The following ASCC3 variants were observed in gnomAD, a reference collection of about 807,000 sequenced individuals.
ASCC3 encodes the protein activating signal cointegrator 1 complex subunit 3.
Under a neutral mutation model 256.3 loss-of-function variants are expected in ASCC3, and 158 were observed. That is an observed-to-expected ratio of 0.62 (90% CI 0.54 to 0.70). The LOEUF (loss-of-function observed/expected upper bound fraction) is 0.70, where lower values mean the gene tolerates loss of function less well. Among genes scored for constraint, ASCC3 ranks in the 30% least tolerant of loss-of-function variants. ASCC3 has a pLI of 0.00. For missense variants in ASCC3, 2,259 were observed against 2,626.0 expected (o/e 0.86, Z 3.05); for synonymous variants, 948 against 883.4 (o/e 1.07, Z -1.30).
At chr6:100,765,991 T>G (rs906528399) in intron 10 of ASCC3, among the ~76,000 whole-genome samples, 2 of 152,240 alleles carry the variant, frequency 1.3e-5, no homozygotes, top group Non-Finnish European at 2.9e-5. Flanking sequence ...ATACTAATCA[T>G]CTAGTTGAAA....
chr6:100,729,229 A>G (rs1008330353), intron 10 of ASCC3, among the ~76,000 whole-genome samples: 1 of 152,104 alleles, frequency 6.6e-6, no homozygotes, highest in Non-Finnish European at 1.5e-5. Flanking sequence ...AGGACTAGAG[A>G]AATTAAGAGG....
At chr6:100,610,768 G>A (rs1416192337) in intron 30 of ASCC3, among the ~76,000 whole-genome samples, 1 of 152,070 alleles carries the variant, frequency 6.6e-6, no homozygotes, top group Non-Finnish European at 1.5e-5. Flanking sequence ...CATGTAAACT[G>A]ACTATAAATG....
intron 36 of ASCC3, among the ~76,000 whole-genome samples, chr6:100,573,105 A>T (rs1770680729): frequency 6.6e-6 from 1 of 152,092 alleles, no homozygotes; most frequent in Non-Finnish European, 1.5e-5. Context: ...GTTGGATTGA[A>T]TGTTGGCATG....
intron 25 of ASCC3, among the ~76,000 whole-genome samples, chr6:100,636,892 G>C (rs964007679): frequency 2.0e-5 from 3 of 152,166 alleles, no homozygotes; most frequent in Non-Finnish European, 4.4e-5. Flanking sequence ...CAGAAGAAAA[G>C]TTTGAAGCTT....
chr6:100,731,714 A>G (rs1479728871), intron 10 of ASCC3, among the ~76,000 whole-genome samples: 2 of 152,196 alleles, frequency 1.3e-5, no homozygotes, highest in South Asian at 2.1e-4. Flanking sequence ...GTGTTTTTCA[A>G]ATCGGACTGG....
chr6:100,647,326 A>T lies in ASCC3; in HGVS notation c.3378T>A (p.Pro1126=). Residue 1126 remains proline, a synonymous_variant, in exon 21 of 42, where the codon CCT becomes CCA. Transcript: ENST00000369162. ...IDKRLWGWAS[P]LRQFSILPPH... Reference sequence around the variant, plus strand: ...GTGGTAGGATTGAAAATTGTCTCAAAGGGCTAGCCCAACCCCAAAGCCTCT... The same window carrying T: ...GTGGTAGGATTGAAAATTGTCTCAATGGGCTAGCCCAACCCCAAAGCCTCT... 1 of 1,614,012 alleles carries T rather than the reference A, an allele frequency of 6.2e-7. No homozygotes were observed. Among genetic ancestry groups the T allele is most frequent in the Non-Finnish European group, 8.5e-7 (1 of 1,179,940 alleles).
chr6:100,713,632 C>T (rs1778957944), intron 13 of ASCC3, among the ~76,000 whole-genome samples: 1 of 152,162 alleles, frequency 6.6e-6, no homozygotes, highest in Non-Finnish European at 1.5e-5. Flanking sequence ...ACTGGGGACA[C>T]TGTGCTTGTG....
In ASCC3 at chr6:100,559,294, T is replaced by G. The variant is rs1022324389; in HGVS notation, c.5551-18907A>C. Among the ~76,000 whole-genome samples the G allele has an allele frequency of 2.6e-5, 4 of 152,182 alleles. No individual in the cohort carries two copies. In the South Asian group the frequency reaches 6.2e-4, roughly 24 times the overall value. The stretch of plus-strand genomic sequence containing the variant: ...CAACTCCAAATTACATTGCCTGACT[T>G]AACAAACTTACTCACTTGACTTGGC... On this transcript the variant is annotated intron_variant, in intron 36 of 41. Transcript: ENST00000369162.
intron 37 of ASCC3, among the ~76,000 whole-genome samples, chr6:100,522,653 C>A (rs1774368693): frequency 1.3e-5 from 2 of 152,016 alleles, no homozygotes; most frequent in South Asian, 4.2e-4. Context: ...AAGGGGAGGG[C>A]AGCTAAGGGA....
Position 100,778,400 on chromosome 6 carries a change from T to C in ASCC3, c.1396-11055A>G, listed in dbSNP as rs548468365. ...TTTGCATTCTAGTAATCTTTCTAAA[T>C]TCTGTCTAAAATAAGAAGTTAACGG... On this transcript the variant is annotated intron_variant, in intron 8 of 41. Transcript: ENST00000369162. Among the ~76,000 whole-genome samples, 8 of 104,178 alleles carry C rather than the reference T, an allele frequency of 7.7e-5. No homozygotes were observed. The South Asian group carries it at 3.9e-3, about 51-fold the overall frequency. 68.3% of individuals were successfully genotyped at this position (104,178 alleles called of 152,430 possible).
intron 10 of ASCC3, among the ~76,000 whole-genome samples, chr6:100,733,753 C>A (rs762655262): frequency 6.6e-6 from 1 of 152,160 alleles, no homozygotes; most frequent in Non-Finnish European, 1.5e-5. Flanking sequence ...AGCATTAAAA[C>A]TCAACCTCTT....
intron 12 of ASCC3, among the ~76,000 whole-genome samples, chr6:100,715,959 C>T (rs1779069674): frequency 2.0e-5 from 3 of 151,696 alleles, no homozygotes; most frequent in Admixed American, 6.6e-5. Context: ...GAGAACACTA[C>T]GGATCAAGTG....
intron 4 of ASCC3, among the ~76,000 whole-genome samples, chr6:100,812,687 T>C (rs1173994744): frequency 2.0e-5 from 3 of 152,176 alleles, no homozygotes; most frequent in Non-Finnish European, 2.9e-5. Flanking sequence ...CCCATCACTT[T>C]GAGAAGCTGA....
At chr6:100,639,664 GGCAAA>G (rs1242803948) in intron 24 of ASCC3, among the ~76,000 whole-genome samples, 1 of 152,036 alleles carries the variant, frequency 6.6e-6, no homozygotes, top group African/African-American at 2.4e-5. Context: ...ATGAAAGTAT[GGCAAA>G]TTTTCTTCTT....
intron 4 of ASCC3, among the ~76,000 whole-genome samples, chr6:100,825,934 T>G (rs897733287): frequency 7.2e-5 from 11 of 151,932 alleles, no homozygotes; most frequent in Admixed American, 2.6e-4. Context: ...AACATAGTAT[T>G]TCAAATATAA....
At chr6:100,560,084 T>C (rs1464121273) in intron 36 of ASCC3, among the ~76,000 whole-genome samples, 1 of 152,190 alleles carries the variant, frequency 6.6e-6, no homozygotes, top group Non-Finnish European at 1.5e-5. Context: ...GCTAATGCTA[T>C]GTCTTTCTGG....
At chr6:100,862,477 A>C (rs537939712) in intron 3 of ASCC3, among the ~76,000 whole-genome samples, 1 of 152,328 alleles carries the variant, frequency 6.6e-6, no homozygotes, top group South Asian at 2.1e-4. Context: ...GATCATAAAA[A>C]GTTTTCAAGT....
chr6:100,754,157 C>T (rs1353797356), intron 10 of ASCC3, among the ~76,000 whole-genome samples: 1 of 151,946 alleles, frequency 6.6e-6, no homozygotes, highest in Non-Finnish European at 1.5e-5. Flanking sequence ...ATATCAATTG[C>T]AACATTATAA....
intron 36 of ASCC3, among the ~76,000 whole-genome samples, chr6:100,562,799 T>C (rs533380356): frequency 2.0e-5 from 3 of 152,218 alleles, no homozygotes; most frequent in African/African-American, 7.2e-5. Flanking sequence ...TCAAATCTTT[T>C]AGAGATGTAA....
Sources: allele counts gnomAD v4.1 joint callset (sites outside exome capture counted in the v4.1 genomes callset), GRCh38; gene constraint gnomAD v4.1.1; transcripts MANE v1.5; gene names NCBI Gene and HGNC (gene_info 2026-07-23, HGNC 2026-07-21).